The following PARP14 variants were observed in gnomAD, a reference collection of about 807,000 sequenced individuals.
PARP14 encodes the protein protein mono-ADP-ribosyltransferase PARP14.
Under a neutral mutation model 154.2 loss-of-function variants are expected in PARP14, and 59 were observed. That is an observed-to-expected ratio of 0.38 (90% CI 0.31 to 0.48). PARP14 has a LOEUF of 0.48. Ranked by LOEUF, PARP14 falls within the 20% of genes least tolerant of loss-of-function variation. The pLI is 0.98. For missense variants in PARP14, 1,734 were observed against 2,131.6 expected, an observed-to-expected ratio of 0.81 and a Z score of 3.67; for synonymous variants, 720 against 780.5, an observed-to-expected ratio of 0.92 and a Z score of 1.29.
rs761196520 is a variant in PARP14 at position 122,713,818 on chromosome 3, A to G, written c.3770-54A>G. On this transcript the variant is annotated intron_variant, in intron 10 of 16. Transcript: ENST00000474629. The stretch of plus-strand genomic sequence containing the variant: ...TTCAGATAATCCTTCTGATCCAAAT[A>G]TACCATAGTGGTTTTTTACTCATGT... 7.0e-6 allele frequency: 9 copies of G among 1,279,726 alleles called. No individual in the cohort carries two copies. The Admixed American group carries it at 8.4e-5, about 12-fold the overall frequency. 79.3% of individuals were successfully genotyped at this position (1,279,726 alleles called of 1,614,324 possible).
chr3:122,692,619 C>T (rs1420425281), intron 4 of PARP14, 76 bp downstream of exon 4: 2 of 1,258,102 alleles, frequency 1.6e-6, no homozygotes, highest in Admixed American at 4.9e-5. Context: ...CTTAGGGGGA[C>T]ATCTCTGAAA....
At chr3:122,687,467 A>G (rs16833397) in intron 3 of PARP14, among the ~76,000 whole-genome samples, 22,980 of 152,256 alleles carry the variant, frequency 0.15, 1,760 homozygotes, top group Admixed American at 0.17. Context: ...AGGGAGTCAC[A>G]TGTGGCTTAG....
In PARP14 at chr3:122,718,681, A is replaced by C; in HGVS notation, c.4530A>C (p.Glu1510Asp). 1.9e-6 allele frequency: 3 copies of C among 1,613,888 alleles called. No individual in the cohort carries two copies. Among genetic ancestry groups the C allele is most frequent in the Non-Finnish European group, 2.5e-6 (3 of 1,179,842 alleles). The change falls in exon 14 of 17, where the codon GAA (glutamate) becomes GAC (aspartate). Residue 1510 changes from glutamate to aspartate, a missense_variant. Glu to Asp is a conservative substitution (Grantham distance 45). Around this residue, in one of 2 missense-constraint regions of PARP14, gnomAD observed 1,646 missense variants for 1,976.0 expected, o/e 0.83. Coordinates refer to ENST00000474629, the MANE Select transcript of PARP14 (RefSeq NM_017554.3). ...ISRDVMQARD[E>D]IEAMIKRVRL... is the part of the protein sequence containing the mutation. ...GAGATGTGATGCAGGCTAGAGATGA[A>C]ATTGAGGCGATGATCAAGAGAGTTC...
chr3:122,708,653 A>C (rs902323288), intron 9 of PARP14, among the ~76,000 whole-genome samples: 1 of 152,214 alleles, frequency 6.6e-6, no homozygotes, highest in Non-Finnish European at 1.5e-5. Flanking sequence ...AGGCTTCTTG[A>C]ATATAAAAAT....
intron 9 of PARP14, among the ~76,000 whole-genome samples, chr3:122,712,454 G>A (rs968531796): frequency 3.9e-5 from 6 of 151,948 alleles, no homozygotes; most frequent in Non-Finnish European, 8.8e-5. Context: ...TACCATGTTG[G>A]ACAGGCTTGT....
At chr3:122,722,990 C>T (rs1308829668) in intron 15 of PARP14, among the ~76,000 whole-genome samples, 2 of 151,218 alleles carry the variant, frequency 1.3e-5, no homozygotes, top group Non-Finnish European at 2.9e-5. Flanking sequence ...GGCTGGAGTG[C>T]AGTGGCGCGA....
intron 14 of PARP14, 92 bp from the exon 15 acceptor site, chr3:122,720,163 A>C (rs1933126835): frequency 7.1e-6 from 9 of 1,265,026 alleles, no homozygotes; most frequent in Admixed American, 2.0e-5. Flanking sequence ...GAATGCTTAG[A>C]ATTGGGAGAT....
Position 122,701,100 on chromosome 3 carries a change from G to A in PARP14, c.2546G>A (p.Cys849Tyr), listed in dbSNP as rs541373561. The A allele has an allele frequency of 4.3e-6, 7 of 1,614,044 alleles. No homozygotes were observed. The African/African-American group carries it at 9.3e-5, about 22-fold the overall frequency. ...KAAGPELQAD[C>Y]DQIVKREGRL... Reference sequence around the variant, plus strand: ...GCTGGCCCTGAGCTCCAGGCCGACTGTGACCAGATAGTGAAGAGAGAGGGC... The same window carrying A: ...GCTGGCCCTGAGCTCCAGGCCGACTATGACCAGATAGTGAAGAGAGAGGGC... Residue 849 changes from cysteine (C) to tyrosine (Y), a missense_variant, in exon 6 of 17, where the codon TGT (cysteine) becomes TAT (tyrosine). By Grantham distance (194) the Cys-to-Tyr change is radical. This residue lies in a region of PARP14 where 1,646 missense variants were observed against 1,976.0 expected (regional missense o/e 0.83). Transcript: ENST00000474629. The surrounding 1 kb of genome is among the most constrained non-coding windows in gnomAD (Gnocchi z 4.0).
rs1276049059 is a variant in PARP14, at chr3:122,681,794, T to C, written c.187+724T>C. 2.6e-5 allele frequency among the ~76,000 whole-genome samples: 4 copies of C among 152,106 alleles called. No homozygotes were observed. The highest frequency in any genetic ancestry group is 9.7e-5 in the African/African-American group (4 of 41,424). ...AGTTCCCTCCTTACAGACCCACCACTACTTGGTGGGCCAAGAGCCCAGAGG... is the reference window on the plus strand; with the variant it reads ...AGTTCCCTCCTTACAGACCCACCACCACTTGGTGGGCCAAGAGCCCAGAGG... On this transcript the variant is annotated intron_variant, in intron 1 of 16. Transcript: ENST00000474629. This position sits in a 1 kb window ranked among gnomAD's most constrained non-coding sequence, Gnocchi z 5.5.
At chr3:122,693,056 A>G (rs925088673) in intron 4 of PARP14, among the ~76,000 whole-genome samples, 3 of 152,196 alleles carry the variant, frequency 2.0e-5, no homozygotes, top group Admixed American at 2.0e-4. Flanking sequence ...GATTATTATT[A>G]TTGATCCCCA....
intron 3 of PARP14, among the ~76,000 whole-genome samples, chr3:122,689,770 C>T (rs997435816): frequency 6.6e-6 from 1 of 152,152 alleles, no homozygotes; most frequent in African/African-American, 2.4e-5. Context: ...GCTAAATAGC[C>T]TGCCATCCTT....
chr3:122,720,668 C>A, intron 15 of PARP14: 1 of 478,066 alleles, frequency 2.1e-6, no homozygotes, highest in South Asian at 1.8e-5. Flanking sequence ...AAAGATATGG[C>A]TTTAAAATTG....
At chr3:122,694,589 C>T (rs1938706984) in intron 4 of PARP14, among the ~76,000 whole-genome samples, 1 of 152,158 alleles carries the variant, frequency 6.6e-6, no homozygotes, top group South Asian at 2.1e-4. Context: ...GGCTGGAATG[C>T]AATGCAGTGG....
At position 122,713,729 on chromosome 3, in the gene PARP14, G is replaced by A. The variant is rs1192777488; in HGVS notation, c.3770-143G>A. On this transcript the variant is annotated intron_variant, in intron 10 of 16. Transcript: ENST00000474629. ...CCATAATTAATAATGTTTATTTTAT[G>A]AAGTTTTCTTCTTTGTCATCAGCAA... is the stretch of plus-strand genomic sequence containing the variant. 3.4e-6 allele frequency: 3 copies of A among 873,418 alleles called. No individual in the cohort carries two copies. In the African/African-American group the frequency reaches 5.1e-5, roughly 15 times the overall value. The allele number at this position is 873,418 out of a possible 1,614,324, so 54.1% of individuals were successfully genotyped here. A position where few individuals can be genotyped will look rare whatever the true frequency, so the allele number is the denominator to read the frequency against.
chr3:122,717,949 C>A (rs1049908517), intron 12 of PARP14, 122 bp from the exon 13 acceptor site: 2 of 729,278 alleles, frequency 2.7e-6, no homozygotes, highest in Non-Finnish European at 4.6e-6. Context: ...GAAAATTCCA[C>A]AATGATGAAA....
In PARP14 at chr3:122,681,081, C is replaced by T; in HGVS notation, c.187+11C>T. The T allele has an allele frequency of 1.3e-6, 2 of 1,585,766 alleles. No individual in the cohort carries two copies. The highest frequency in any genetic ancestry group is 1.1e-5 in the South Asian group (1 of 90,392). On this transcript the variant is annotated intron_variant, in intron 1 of 16. Coordinates refer to ENST00000474629, the MANE Select transcript of PARP14 (RefSeq NM_017554.3). The surrounding 1 kb of genome is among the most constrained non-coding windows in gnomAD (Gnocchi z 5.5). The stretch of plus-strand genomic sequence containing the variant: ...TCTACCCGGAGGACGGTGAGGGGCG[C>T]GAGGGGTGGGGTGAGGAGGGGGCAC...
At chr3:122,682,958 G>A (rs933286210) in intron 1 of PARP14, among the ~76,000 whole-genome samples, 6 of 152,214 alleles carry the variant, frequency 3.9e-5, no homozygotes, top group Non-Finnish European at 7.3e-5. Context: ...AGGAGGCTGA[G>A]GCAGGGGAAT....
chr3:122,699,743 A>G lies in PARP14; in HGVS notation c.1189A>G (p.Lys397Glu). 1.9e-6 allele frequency: 3 copies of G among 1,613,946 alleles called. No homozygotes were observed. Among genetic ancestry groups the G allele is most frequent in the Non-Finnish European group, 2.5e-6 (3 of 1,179,804 alleles). The change falls in exon 6 of 17, where the codon AAA becomes GAA. Residue 397 changes from lysine (K) to glutamate (E), a missense_variant. Transcript: ENST00000474629. ...CACAACACTCTCTAGCATCAGGTCT[A>G]AATATAAAGTCAACCCAATTAAAGT... ...TSTTLSSIRS[K>E]YKVNPIKVDP...
intron 15 of PARP14, among the ~76,000 whole-genome samples, chr3:122,725,207 G>A (rs1933258925): frequency 6.6e-6 from 1 of 152,160 alleles, no homozygotes. Flanking sequence ...CTGGGCAAAG[G>A]CGCTCACTTC....
Sources: allele counts gnomAD v4.1 joint callset (sites outside exome capture counted in the v4.1 genomes callset), GRCh38; gene constraint gnomAD v4.1.1; regional missense constraint gnomAD v4.1.1; non-coding constraint Gnocchi (gnomAD v3.1); transcripts MANE v1.5; gene names NCBI Gene and HGNC (gene_info 2026-07-23, HGNC 2026-07-21).